The following ABCC4 variants were observed in gnomAD, a reference collection of about 807,000 sequenced individuals.
ABCC4 encodes the protein ATP-binding cassette sub-family C member 4.
ABCC4 carries 102 observed loss-of-function variants against 168.5 expected under a neutral mutation model. The observed-to-expected ratio is 0.61, with a 90% CI of 0.52 to 0.71. The LOEUF is 0.71. Among genes scored for constraint, ABCC4 ranks in the 30% least tolerant of loss-of-function variants. The probability of loss-of-function intolerance (pLI) is 0.00; values close to 1 mark genes in which losing one functional copy is unlikely to be tolerated. For missense variants in ABCC4, 1,402 were observed against 1,605.8 expected, an observed-to-expected ratio of 0.87 and a Z score of 2.17; for synonymous variants, 617 against 590.7, an observed-to-expected ratio of 1.04 and a Z score of -0.65.
intron 19 of ABCC4, among the ~76,000 whole-genome samples, chr13:95,153,270 G>T (rs2036749587): frequency 2.6e-5 from 4 of 152,148 alleles, no homozygotes; most frequent in Admixed American, 2.6e-4. Context: ...ACATCCCATA[G>T]GCTAATGCCA....
intron 29 of ABCC4, among the ~76,000 whole-genome samples, chr13:95,035,347 G>A (rs1430250052): frequency 1.3e-5 from 2 of 152,200 alleles, no homozygotes; most frequent in Admixed American, 6.5e-5. Context: ...GGCTCTGGGT[G>A]TACTTTATTA....
intron 4 of ABCC4, among the ~76,000 whole-genome samples, chr13:95,227,468 T>A (rs2039497787): frequency 6.6e-6 from 1 of 152,170 alleles, no homozygotes; most frequent in African/African-American, 2.4e-5. Context: ...CACTACTGGG[T>A]CATTCTAATT....
Position 95,161,323 on chromosome 13 carries a change from G to A in ABCC4, c.2321C>T (p.Ala774Val). Residue 774 changes from alanine to valine, a missense_variant, in exon 19 of 31, where the codon GCT becomes GTT. Around this residue, in one of 3 missense-constraint regions of ABCC4, gnomAD observed 1,007 missense variants for 1,127.3 expected, o/e 0.89. Transcript: ENST00000645237. ...YLGIYSGLTV[A>V]TVLFGIARSL... ...TCTTGCTATGCCAAAAAGAACGGTA[G>A]CTACAGTTAAACCTGAAATAAAGAA... is the stretch of plus-strand genomic sequence containing the variant. 6 of 1,584,996 alleles carry A rather than the reference G, an allele frequency of 3.8e-6. No homozygotes were observed. Among genetic ancestry groups the A allele is most frequent in the Non-Finnish European group, 5.1e-6 (6 of 1,170,508 alleles).
chr13:95,182,951 T>C (rs2037944724), intron 11 of ABCC4, among the ~76,000 whole-genome samples: 1 of 152,220 alleles, frequency 6.6e-6, no homozygotes, highest in African/African-American at 2.4e-5. Flanking sequence ...CTTATTATTT[T>C]ATCTCAAATA....
At chr13:95,120,698 G>T (rs1369159178) in intron 19 of ABCC4, among the ~76,000 whole-genome samples, 2 of 152,166 alleles carry the variant, frequency 1.3e-5, no homozygotes, top group Non-Finnish European at 2.9e-5. Context: ...AAGGGCAAAG[G>T]TAGGATGGGG....
intron 1 of ABCC4, among the ~76,000 whole-genome samples, chr13:95,264,543 T>C (rs1008343891): frequency 1.3e-5 from 2 of 152,346 alleles, no homozygotes; most frequent in African/African-American, 2.4e-5. Flanking sequence ...ATTTCTGCTA[T>C]GAAGTCACAT....
At chr13:95,064,513 ATGTGTG>A (rs3046394) in intron 25 of ABCC4, among the ~76,000 whole-genome samples, 3,489 of 148,680 alleles carry the variant, frequency 0.023, 123 homozygotes, top group African/African-American at 0.08. Flanking sequence ...GTATGTGTGT[ATGTGTG>A]TGTGTGTGTG....
chr13:95,119,398 C>T (rs942577478), intron 19 of ABCC4, among the ~76,000 whole-genome samples: 1 of 151,974 alleles, frequency 6.6e-6, no homozygotes, highest in African/African-American at 2.4e-5. Flanking sequence ...TGAAAAGGGT[C>T]TATATTAAGT....
chr13:95,233,205 T>C (rs532158769), intron 4 of ABCC4, among the ~76,000 whole-genome samples: 7 of 152,222 alleles, frequency 4.6e-5, no homozygotes, highest in South Asian at 2.1e-4. Flanking sequence ...CAATGTACAT[T>C]ATATAACTGT....
intron 13 of ABCC4, among the ~76,000 whole-genome samples, chr13:95,173,694 G>A (rs755688782): frequency 6.6e-5 from 10 of 152,168 alleles, no homozygotes; most frequent in Non-Finnish European, 1.3e-4. Flanking sequence ...AGTCCTAGAG[G>A]ACCTGAAAGA....
At chr13:95,043,833 T>G in intron 28 of ABCC4, 46 bp from the exon 29 acceptor site, 1 of 1,389,518 alleles carries the variant, frequency 7.2e-7, no homozygotes, top group East Asian at 2.3e-5. Context: ...ATGCAAAAAG[T>G]AGACTTAAGA....
chr13:95,210,619 G>C, intron 5 of ABCC4, 73 bp downstream of exon 5: 1 of 1,282,460 alleles, frequency 7.8e-7, no homozygotes, highest in Admixed American at 1.8e-5. Context: ...GTGAGCCCCT[G>C]CCTCCAGAAA....
intron 3 of ABCC4, among the ~76,000 whole-genome samples, chr13:95,244,670 A>AAAGAAAGAAAGAAAGAAATC: frequency 9.4e-6 from 1 of 106,460 alleles, no homozygotes; most frequent in Non-Finnish European, 2.1e-5. Context: ...AGAAAGAAAG[A>AAAGAAAGAAAGAAAGAAATC]AATCATAGCA....
In ABCC4 at chr13:95,161,184, C is replaced by G; in HGVS notation, c.2455+5G>C. 3 of 1,592,374 alleles carry G rather than the reference C, an allele frequency of 1.9e-6. No individual in the cohort carries two copies. The highest frequency in any genetic ancestry group is 2.6e-6 in the Non-Finnish European group (3 of 1,173,304). ...ACTTACTGAGAAACTTGGTGTCAGACTTACCTATTGGATTTCTATCAAAGA... is the reference window on the plus strand; with the variant it reads ...ACTTACTGAGAAACTTGGTGTCAGAGTTACCTATTGGATTTCTATCAAAGA... On this transcript the variant is annotated splice_donor_5th_base_variant and intron_variant, in intron 19 of 30. Transcript: ENST00000645237.
intron 1 of ABCC4, among the ~76,000 whole-genome samples, chr13:95,266,721 A>C (rs1216593482): frequency 3.3e-5 from 5 of 151,738 alleles, no homozygotes; most frequent in Non-Finnish European, 4.4e-5. Context: ...ATGGGGCATT[A>C]TCCCTTTGGT....
In ABCC4 at chr13:95,280,521, A is replaced by G. The variant is rs565925792; in HGVS notation, c.74+20720T>C. Among the ~76,000 whole-genome samples the G allele has an allele frequency of 2.0e-5, 3 of 151,252 alleles. No individual in the cohort carries two copies. In the East Asian group the frequency reaches 5.8e-4, roughly 29 times the overall value. On this transcript the variant is annotated intron_variant, in intron 1 of 30. Coordinates refer to ENST00000645237, the MANE Select transcript of ABCC4 (RefSeq NM_005845.5). ...AACCCTCACTGCCCACTTTTCCAAA[A>G]CCTGATATAGTCAGTCACTAGTAGC...
rs2041083025 is a variant in ABCC4, at chr13:95,280,246, T to C, written c.74+20995A>G. Among the ~76,000 whole-genome samples, 4 of 151,748 alleles carry C rather than the reference T, an allele frequency of 2.6e-5. No homozygotes were observed. The South Asian group carries it at 8.4e-4, about 32-fold the overall frequency. On this transcript the variant is annotated intron_variant, in intron 1 of 30. Transcript: ENST00000645237. Reference sequence around the variant, plus strand: ...CCCTGACCAACATAGTGAAACCCCATCTCTACTAACAATACAAAAAATTAA... The same window carrying C: ...CCCTGACCAACATAGTGAAACCCCACCTCTACTAACAATACAAAAAATTAA...
In ABCC4 at chr13:95,223,846, A is replaced by G. The variant is rs2039374618; in HGVS notation, c.531+10764T>C. Among the ~76,000 whole-genome samples, 4 of 152,290 alleles carry G rather than the reference A, an allele frequency of 2.6e-5. No homozygotes were observed. The South Asian group carries it at 8.3e-4, about 32-fold the overall frequency. ...CCAATAAACACTCTAGAGCTGCAAT[A>G]CTGAAATGAGAAATAAAGGAGAAAA... On this transcript the variant is annotated intron_variant, in intron 4 of 30. Transcript: ENST00000645237.
At chr13:95,175,021 C>A (rs968930565) in intron 13 of ABCC4, among the ~76,000 whole-genome samples, 4 of 152,212 alleles carry the variant, frequency 2.6e-5, no homozygotes, top group Admixed American at 2.6e-4. Context: ...GCAACCATCA[C>A]CATCATACAC....
Sources: allele counts gnomAD v4.1 joint callset (sites outside exome capture counted in the v4.1 genomes callset), GRCh38; gene constraint gnomAD v4.1.1; regional missense constraint gnomAD v4.1.1; transcripts MANE v1.5; gene names NCBI Gene and HGNC (gene_info 2026-07-23, HGNC 2026-07-21).